Variants in DAB1 observed in about 807,000 individuals in gnomAD.
The protein encoded by DAB1 is disabled homolog 1.
In DAB1, 15 loss-of-function variants were observed where a neutral mutation model predicts 64.6. That is an observed-to-expected ratio of 0.23 (90% CI 0.16 to 0.36). DAB1 has a LOEUF of 0.36. Ranked by LOEUF, DAB1 falls within the 10% of genes least tolerant of loss-of-function variation. The probability of loss-of-function intolerance (pLI) is 1.00; values close to 1 mark genes in which losing one functional copy is unlikely to be tolerated. For missense variants in DAB1, 596 were observed against 706.7 expected, an observed-to-expected ratio of 0.84 and a Z score of 1.78; for synonymous variants, 235 against 251.9, an observed-to-expected ratio of 0.93 and a Z score of 0.64.
Position 58,522,689 on chromosome 1 carries a change from T to A in DAB1, n.107+4572A>T, listed in dbSNP as rs557707282. ...CAAAACCTAACTACTAATAGCCTAC[T>A]GTTGACCTTGCCAGTAACACAGTAA... is the stretch of plus-strand genomic sequence containing the variant. On this transcript the variant is annotated intron_variant and non_coding_transcript_variant, in intron 2 of 20. Transcript: ENST00000485760. 1.6e-3 allele frequency among the ~76,000 whole-genome samples: 242 copies of A among 152,352 alleles called. 2 individuals are homozygous for A. Among genetic ancestry groups the A allele is most frequent in the Non-Finnish European group, 2.7e-3 (185 of 68,032 alleles).
chr1:57,075,399 T>C (rs1412683800), intron 4 of DAB1, among the ~76,000 whole-genome samples: 1 of 152,228 alleles, frequency 6.6e-6, no homozygotes, highest in East Asian at 1.9e-4. Flanking sequence ...TGTAACATTA[T>C]TCTCTCTCAT....
intron 1 of DAB1, among the ~76,000 whole-genome samples, chr1:57,362,843 A>C (rs557847181): frequency 3.1e-4 from 47 of 152,296 alleles, no homozygotes; most frequent in African/African-American, 1.1e-3. Context: ...ACATGCATGC[A>C]CTACACATAC....
chr1:57,041,038 G>T (rs1647711923), intron 9 of DAB1, among the ~76,000 whole-genome samples: 1 of 152,176 alleles, frequency 6.6e-6, no homozygotes, highest in African/African-American at 2.4e-5. Context: ...AATCAAGCAA[G>T]AGTAGCACAG....
At chr1:57,341,958 T>G (rs1255849325) in intron 1 of DAB1, among the ~76,000 whole-genome samples, 1 of 152,224 alleles carries the variant, frequency 6.6e-6, no homozygotes, top group Non-Finnish European at 1.5e-5. Context: ...CATTGTCTGG[T>G]ACCTTATGCC....
intron 4 of DAB1, among the ~76,000 whole-genome samples, chr1:58,165,858 G>T (rs1378548775): frequency 1.3e-5 from 2 of 152,174 alleles, no homozygotes; most frequent in Non-Finnish European, 2.9e-5. Context: ...TTGATTGTGG[G>T]CTTACTGTAT....
At chr1:57,461,217 G>A (rs1411100106) in intron 7 of DAB1, among the ~76,000 whole-genome samples, 3 of 152,126 alleles carry the variant, frequency 2.0e-5, no homozygotes, top group Non-Finnish European at 2.9e-5. Flanking sequence ...ATTGGTCAAC[G>A]TCTTTATTTT....
chr1:58,425,058 C>T (rs941527711), intron 3 of DAB1, among the ~76,000 whole-genome samples: 1 of 152,190 alleles, frequency 6.6e-6, no homozygotes, highest in Admixed American at 6.5e-5. Flanking sequence ...CCTACAGCCC[C>T]TCTGTTTTCA....
At chr1:58,093,730 C>T (rs1026172818) in intron 5 of DAB1, among the ~76,000 whole-genome samples, 10 of 151,694 alleles carry the variant, frequency 6.6e-5, no homozygotes, top group Non-Finnish European at 1.5e-4. Context: ...GAGACAAAGT[C>T]CAAAGTCTAA....
intron 5 of DAB1, among the ~76,000 whole-genome samples, chr1:58,093,747 C>T (rs956788249): frequency 3.3e-5 from 5 of 151,344 alleles, no homozygotes; most frequent in African/African-American, 1.2e-4. Flanking sequence ...CTAAGAACAG[C>T]AACCTAAGGA....
intron 2 of DAB1, among the ~76,000 whole-genome samples, chr1:57,270,754 C>T (rs2100588772): frequency 6.6e-6 from 1 of 152,334 alleles, no homozygotes; most frequent in South Asian, 2.1e-4. Context: ...ATCTGTGATA[C>T]TGCATTGTGT....
intron 1 of DAB1, among the ~76,000 whole-genome samples, chr1:57,296,320 T>C (rs1177877822): frequency 1.3e-5 from 2 of 152,164 alleles, no homozygotes; most frequent in East Asian, 3.9e-4. Context: ...TGAATGTATA[T>C]ATGTGTTGAT....
intron 5 of DAB1, among the ~76,000 whole-genome samples, chr1:57,991,800 C>T (rs1014767917): frequency 1.7e-5 from 2 of 119,204 alleles, no homozygotes; most frequent in Non-Finnish European, 3.2e-5. Flanking sequence ...GAGCTGAGAT[C>T]ATATCACTGC....
intron 3 of DAB1, among the ~76,000 whole-genome samples, chr1:58,502,080 A>C (rs1221194625): frequency 6.6e-6 from 1 of 152,206 alleles, no homozygotes; most frequent in Non-Finnish European, 1.5e-5. Context: ...TGAATGCATA[A>C]AGTGTAAATT....
intron 1 of DAB1, among the ~76,000 whole-genome samples, chr1:57,418,282 A>G (rs530676839): frequency 1.3e-5 from 2 of 152,320 alleles, no homozygotes; most frequent in South Asian, 4.1e-4. Context: ...CAGTTGCAAC[A>G]CTAACATGAA....
intron 1 of DAB1, among the ~76,000 whole-genome samples, chr1:57,329,680 A>AAAAC (rs1553168763): frequency 2.8e-5 from 4 of 141,644 alleles, no homozygotes; most frequent in African/African-American, 1.1e-4. Context: ...AAAAAAAAAA[A>AAAAC]CCCACAAAAC....
At chr1:57,190,603 T>C (rs182507795) in intron 2 of DAB1, among the ~76,000 whole-genome samples, 1 of 152,226 alleles carries the variant, frequency 6.6e-6, no homozygotes, top group East Asian at 1.9e-4. Context: ...TTCAGGAAAA[T>C]GCCTATTCCC....
intron 7 of DAB1, among the ~76,000 whole-genome samples, chr1:57,555,189 C>G (rs1003070386): frequency 2.0e-5 from 3 of 151,756 alleles, no homozygotes; most frequent in Admixed American, 6.6e-5. Context: ...CACGTGCCCC[C>G]ACACCCAGGT....
intron 7 of DAB1, among the ~76,000 whole-genome samples, chr1:57,608,220 A>C (rs1208144235): frequency 6.6e-6 from 1 of 152,166 alleles, no homozygotes; most frequent in African/African-American, 2.4e-5. Context: ...AAATATATTA[A>C]AATTGAATGC....
chr1:57,841,253 C>T (rs916311072), intron 1 of DAB1, among the ~76,000 whole-genome samples: 4 of 152,208 alleles, frequency 2.6e-5, no homozygotes, highest in African/African-American at 9.6e-5. Flanking sequence ...GACACCTCTG[C>T]CTCTGTGACT....
Sources: gnomAD v4.1 joint callset for allele counts (sites outside exome capture counted in the v4.1 genomes callset) on GRCh38, gnomAD v4.1.1 for gene constraint, MANE v1.5 for transcripts, NCBI Gene and HGNC (gene_info 2026-07-23, HGNC 2026-07-21) for gene names.